The following FRAS1 variants were observed in gnomAD, a reference collection of about 807,000 sequenced individuals.
FRAS1 encodes the protein Fraser extracellular matrix complex subunit 1.
In FRAS1, 290 loss-of-function variants were observed where a neutral mutation model predicts 435.2. The observed-to-expected ratio is 0.67, with a 90% CI of 0.61 to 0.73. The LOEUF (loss-of-function observed/expected upper bound fraction) is 0.73, where lower values mean the gene tolerates loss of function less well. Among genes scored for constraint, FRAS1 ranks in the 30% least tolerant of loss-of-function variants. The pLI is 0.00. For synonymous variants in FRAS1, 1,800 were observed against 1,851.0 expected (o/e 0.97, Z 0.71); for missense variants, 4,860 against 5,001.5 (o/e 0.97, Z 0.85).
At chr4:78,115,288 C>G (rs1213494821) in intron 2 of FRAS1, among the ~76,000 whole-genome samples, 2 of 152,210 alleles carry the variant, frequency 1.3e-5, no homozygotes, top group Middle Eastern at 6.8e-3. Flanking sequence ...GTCTGAAATT[C>G]TATTTTTTTG....
chr4:78,381,680 A>G (rs1732022966), intron 27 of FRAS1, among the ~76,000 whole-genome samples: 5 of 150,770 alleles, frequency 3.3e-5, no homozygotes, highest in Admixed American at 6.6e-5. Flanking sequence ...ACTTATGAAA[A>G]GCGTAAAGCT....
At chr4:78,076,164 G>A (rs556167303) in intron 2 of FRAS1, among the ~76,000 whole-genome samples, 1 of 152,222 alleles carries the variant, frequency 6.6e-6, no homozygotes, top group East Asian at 1.9e-4. Flanking sequence ...GGGTGTGGGT[G>A]GCTCCATGTA....
rs140418909 is a variant in FRAS1, at chr4:78,216,444, A to G, written c.109-21066A>G. On this transcript the variant is annotated intron_variant, in intron 2 of 73. Transcript: ENST00000512123. ...TAAATGATTAAATCAGTGCATAAAT[A>G]CATGCATAAGGGAATGATTTCATGA... 3.2e-3 allele frequency among the ~76,000 whole-genome samples: 493 copies of G among 152,362 alleles called. 4 individuals are homozygous for G. Among genetic ancestry groups the G allele is most frequent in the African/African-American group, 0.011 (471 of 41,576 alleles).
In FRAS1 at chr4:78,447,986, A is replaced by G. The variant is rs1050888156; in HGVS notation, c.6011-67A>G. On this transcript the variant is annotated intron_variant, in intron 43 of 73. Coordinates refer to ENST00000512123, the MANE Select transcript of FRAS1 (RefSeq NM_025074.7). ...CTCATACTACTTGGAAAAATCAGAC[A>G]ATGTTTTGAATCATATATATATGTG... is the stretch of plus-strand genomic sequence containing the variant. The G allele has an allele frequency of 5.0e-6, 7 of 1,388,920 alleles. No homozygotes were observed. In the East Asian group the frequency reaches 1.7e-4, roughly 35 times the overall value. The allele number at this position is 1,388,920 out of a possible 1,614,324, so 86.0% of individuals were successfully genotyped here. A position where few individuals can be genotyped will look rare whatever the true frequency, so the allele number is the denominator to read the frequency against.
At chr4:78,356,287 C>G (rs896084447) in intron 20 of FRAS1, among the ~76,000 whole-genome samples, 6 of 152,112 alleles carry the variant, frequency 3.9e-5, no homozygotes, top group Admixed American at 6.6e-5. Flanking sequence ...CCCATATTGA[C>G]CTTTTTCGTG....
intron 73 of FRAS1, among the ~76,000 whole-genome samples, 160 bp downstream of exon 73, chr4:78,539,600 A>T (rs1166410615): frequency 1.3e-5 from 2 of 152,150 alleles, no homozygotes; most frequent in African/African-American, 4.8e-5. Flanking sequence ...CACCCACCCA[A>T]AATTTTCACA....
chr4:78,236,533 TA>T (rs756378080), intron 2 of FRAS1, among the ~76,000 whole-genome samples: 1 of 152,146 alleles, frequency 6.6e-6, no homozygotes, highest in Non-Finnish European at 1.5e-5. Flanking sequence ...TCAACTCTAA[TA>T]GGAATTTGGG....
chr4:78,470,502 A>G (rs1719667581), intron 51 of FRAS1, among the ~76,000 whole-genome samples: 2 of 152,316 alleles, frequency 1.3e-5, no homozygotes, highest in South Asian at 2.1e-4. Flanking sequence ...ATTCATCAAT[A>G]TACAGTTGGC....
intron 58 of FRAS1, among the ~76,000 whole-genome samples, chr4:78,483,184 G>A (rs1170828327): frequency 6.6e-6 from 1 of 152,164 alleles, no homozygotes; most frequent in African/African-American, 2.4e-5. Flanking sequence ...ATAAGCAAAG[G>A]GTAGCAGTGG....
At position 78,057,571 on chromosome 4, in the gene FRAS1, A is replaced by T; in HGVS notation, c.-439A>T. On this transcript the variant is annotated 5_prime_UTR_variant, in exon 1 of 74. Coordinates refer to ENST00000512123, the MANE Select transcript of FRAS1 (RefSeq NM_025074.7). The surrounding 1 kb of genome is among the most constrained non-coding windows in gnomAD (Gnocchi z 4.2). ...AACGCCGACGTATGGTGCCAAGCGA[A>T]CTTTAAAAAGCTGCTTCGGACAAAC... 6.1e-6 allele frequency: 1 copy of T among 164,924 alleles called. No homozygotes were observed. Among genetic ancestry groups the T allele is most frequent in the Non-Finnish European group, 1.3e-5 (1 of 76,680 alleles). 10.2% of individuals were successfully genotyped at this position (164,924 alleles called of 1,614,324 possible).
At chr4:78,060,047 T>C (rs934382777) in intron 1 of FRAS1, among the ~76,000 whole-genome samples, 2 of 152,180 alleles carry the variant, frequency 1.3e-5, no homozygotes, top group Admixed American at 6.5e-5. Context: ...ACCCACGTCA[T>C]AATGGTGCTT....
chr4:78,307,317 G>T (rs1156723103), intron 14 of FRAS1, among the ~76,000 whole-genome samples: 3 of 152,222 alleles, frequency 2.0e-5, no homozygotes. Context: ...GCTGTCTTTT[G>T]TTTGTCTGTG....
intron 9 of FRAS1, among the ~76,000 whole-genome samples, chr4:78,274,022 T>G (rs1726860957): frequency 6.6e-6 from 1 of 152,216 alleles, no homozygotes; most frequent in Admixed American, 6.5e-5. Flanking sequence ...GGGATTCAAC[T>G]TCTTCCTAGT....
chr4:78,505,711 C>G (rs1287196637), intron 61 of FRAS1, among the ~76,000 whole-genome samples: 1 of 151,944 alleles, frequency 6.6e-6, no homozygotes, highest in Non-Finnish European at 1.5e-5. Context: ...TATTACCGAC[C>G]TTCTGAAGCC....
At chr4:78,065,895 T>C (rs539207044) in intron 1 of FRAS1, 90 bp from the exon 2 acceptor site, 45 of 922,776 alleles carry the variant, frequency 4.9e-5, no homozygotes, top group South Asian at 2.6e-4. Context: ...ATGATGCATA[T>C]AGATGCAGTT....
intron 28 of FRAS1, 146 bp from the exon 29 acceptor site, chr4:78,387,229 G>A (rs995946340): frequency 1.4e-5 from 8 of 565,434 alleles, no homozygotes; most frequent in African/African-American, 1.1e-4. Context: ...CACCTCTGAC[G>A]AATGTGTTCA....
At chr4:78,115,545 G>C (rs182330443) in intron 2 of FRAS1, among the ~76,000 whole-genome samples, 148 of 152,124 alleles carry the variant, frequency 9.7e-4, no homozygotes, top group African/African-American at 3.1e-3. Context: ...ACTTCTTCCT[G>C]GTTTGGTCTT....
chr4:78,541,054 GTGC>G lies in FRAS1; in HGVS notation c.11971_11973del (p.Ala3991del). 1 of 1,444,922 alleles carries G rather than the reference GTGC, an allele frequency of 6.9e-7. No homozygotes were observed. 89.5% of individuals were successfully genotyped at this position (1,444,922 alleles called of 1,614,324 possible). On this transcript the variant is annotated inframe_deletion, in exon 74 of 74. Transcript: ENST00000512123. ...CCTGAGGCGGCTTACACGTTCAAAG[GTGC>G]TAAAGTCAAAAGACTGAATCTAGAA...
At chr4:78,333,806 G>A (rs535185941) in intron 19 of FRAS1, among the ~76,000 whole-genome samples, 1 of 152,292 alleles carries the variant, frequency 6.6e-6, no homozygotes, top group East Asian at 1.9e-4. Flanking sequence ...GAGAGAGAGA[G>A]AGACAGAGAG....
Sources: gnomAD v4.1 joint callset for allele counts (sites outside exome capture counted in the v4.1 genomes callset) on GRCh38, gnomAD v4.1.1 for gene constraint, Gnocchi (gnomAD v3.1) non-coding constraint, MANE v1.5 for transcripts, NCBI Gene and HGNC (gene_info 2026-07-23, HGNC 2026-07-21) for gene names.